Variants in MTSS1 observed in about 807,000 individuals in gnomAD.
MTSS1 encodes protein MTSS 1.
A neutral mutation model predicts 79.0 loss-of-function variants in MTSS1; 18 were observed. That is an observed-to-expected ratio of 0.23 (90% CI 0.16 to 0.34). The LOEUF (loss-of-function observed/expected upper bound fraction) is 0.34. Ranked by LOEUF, MTSS1 falls within the 10% of genes least tolerant of loss-of-function variation. The probability of loss-of-function intolerance (pLI) is 1.00; values close to 1 mark genes in which losing one functional copy is unlikely to be tolerated. For missense variants in MTSS1, 815 were observed against 986.2 expected (o/e 0.83, Z 2.33); for synonymous variants, 341 against 368.6 (o/e 0.93, Z 0.86).
chr8:124,629,769 T>C (rs190563387), intron 3 of MTSS1, among the ~76,000 whole-genome samples: 200 of 152,220 alleles, frequency 1.3e-3, no homozygotes, highest in Non-Finnish European at 2.0e-3. Context: ...GGGTTCTCTC[T>C]CCCAGACACC....
chr8:124,606,238 T>C (rs1477510250), intron 3 of MTSS1, among the ~76,000 whole-genome samples: 1 of 149,358 alleles, frequency 6.7e-6, no homozygotes, highest in Non-Finnish European at 1.5e-5. Context: ...AATGGCATGA[T>C]CTTGGCTCAC....
intron 3 of MTSS1, among the ~76,000 whole-genome samples, chr8:124,621,893 C>T (rs1813595288): frequency 6.6e-6 from 1 of 152,152 alleles, no homozygotes; most frequent in African/African-American, 2.4e-5. Context: ...CTTAGAGAGT[C>T]AGAAAGATTC....
intron 3 of MTSS1, among the ~76,000 whole-genome samples, chr8:124,642,709 C>T (rs756303948): frequency 6.6e-6 from 1 of 152,158 alleles, no homozygotes; most frequent in Admixed American, 6.5e-5. Context: ...TCTCAGGGCT[C>T]AGACTCTCAA....
intron 6 of MTSS1, chr8:124,580,348 G>A: frequency 1.8e-6 from 1 of 561,540 alleles, no homozygotes; most frequent in Non-Finnish European, 3.2e-6. Flanking sequence ...ATCGTAAATG[G>A]CTAAACATCC....
intron 5 of MTSS1, among the ~76,000 whole-genome samples, chr8:124,588,373 G>A (rs3910088): frequency 1.3e-5 from 2 of 151,840 alleles, no homozygotes; most frequent in East Asian, 1.9e-4. Context: ...CCCCCATAGC[G>A]CCTAGCATGT....
At chr8:124,610,799 G>C (rs1032079152) in intron 3 of MTSS1, among the ~76,000 whole-genome samples, 6 of 152,122 alleles carry the variant, frequency 3.9e-5, no homozygotes, top group African/African-American at 1.2e-4. Context: ...CCAAGCAGCA[G>C]GTTTAGGCTC....
chr8:124,576,164 G>A (rs1205855400), intron 6 of MTSS1, among the ~76,000 whole-genome samples: 2 of 152,216 alleles, frequency 1.3e-5, no homozygotes, highest in East Asian at 1.9e-4. Flanking sequence ...GTCCTTTAAT[G>A]TAGTAAACAA....
chr8:124,590,716 G>A (rs1831706552), intron 4 of MTSS1, among the ~76,000 whole-genome samples: 1 of 152,220 alleles, frequency 6.6e-6, no homozygotes, highest in Non-Finnish European at 1.5e-5. Flanking sequence ...GAAGCCAGAT[G>A]GGAAGCTGGC....
At chr8:124,579,011 TGCCTATGAACCA>T (rs1437692134) in intron 6 of MTSS1, among the ~76,000 whole-genome samples, 4 of 152,228 alleles carry the variant, frequency 2.6e-5, no homozygotes, top group African/African-American at 9.6e-5. Flanking sequence ...ACTGTGGCTT[TGCCTATGAACCA>T]GCCCCTACAA....
At chr8:124,714,339 A>G (rs1304092403) in intron 1 of MTSS1, among the ~76,000 whole-genome samples, 1 of 152,224 alleles carries the variant, frequency 6.6e-6, no homozygotes, top group East Asian at 1.9e-4. Flanking sequence ...AAAATCGGGC[A>G]CAGAAAGAGT....
intron 3 of MTSS1, among the ~76,000 whole-genome samples, chr8:124,641,283 A>G (rs1818003174): frequency 6.6e-6 from 1 of 152,222 alleles, no homozygotes. Flanking sequence ...CAATCCCCAT[A>G]TACCTGTGAG....
intron 3 of MTSS1, among the ~76,000 whole-genome samples, chr8:124,641,196 A>G (rs1817979018): frequency 6.6e-6 from 1 of 152,190 alleles, no homozygotes; most frequent in South Asian, 2.1e-4. Flanking sequence ...CAAATGGACC[A>G]GGGGAATGGA....
intron 5 of MTSS1, among the ~76,000 whole-genome samples, chr8:124,587,757 G>A (rs752684598): frequency 3.9e-5 from 6 of 151,952 alleles, no homozygotes; most frequent in East Asian, 1.9e-4. Context: ...CACCCGCCTC[G>A]GCCTCCCAAA....
chr8:124,713,805 G>A (rs1247819331), intron 1 of MTSS1, among the ~76,000 whole-genome samples: 1 of 151,214 alleles, frequency 6.6e-6, no homozygotes, highest in African/African-American at 2.4e-5. Flanking sequence ...CTGCAGCCTC[G>A]ACTTCCCAGG....
intron 3 of MTSS1, among the ~76,000 whole-genome samples, chr8:124,668,039 G>C (rs1823439276): frequency 6.6e-6 from 1 of 152,032 alleles, no homozygotes; most frequent in Non-Finnish European, 1.5e-5. Context: ...AGTGAGCCAT[G>C]ATCGCGCCAC....
intron 6 of MTSS1, among the ~76,000 whole-genome samples, chr8:124,571,542 G>A (rs1827772253): frequency 6.6e-6 from 1 of 152,148 alleles, no homozygotes; most frequent in Non-Finnish European, 1.5e-5. Flanking sequence ...GAGGGCTGCA[G>A]ACCACCTCAG....
At chr8:124,615,107 G>A (rs1334430980) in intron 3 of MTSS1, among the ~76,000 whole-genome samples, 3 of 152,168 alleles carry the variant, frequency 2.0e-5, no homozygotes, top group South Asian at 2.1e-4. Flanking sequence ...AGAACAGTGC[G>A]TGCCTGGAGG....
chr8:124,668,847 C>A (rs1823602326), intron 3 of MTSS1, among the ~76,000 whole-genome samples: 1 of 152,186 alleles, frequency 6.6e-6, no homozygotes, highest in Non-Finnish European at 1.5e-5. Flanking sequence ...TCCCTTTGTT[C>A]CCGTGAAGTG....
chr8:124,599,745 A>C (rs963222002), intron 3 of MTSS1, among the ~76,000 whole-genome samples: 1 of 152,080 alleles, frequency 6.6e-6, no homozygotes, highest in African/African-American at 2.4e-5. Context: ...TGGCAGCTGT[A>C]TTCCCATCTG....
Sources: gnomAD v4.1 joint callset for allele counts (sites outside exome capture counted in the v4.1 genomes callset) on GRCh38, gnomAD v4.1.1 for gene constraint, MANE v1.5 for transcripts, NCBI Gene and HGNC (gene_info 2026-07-23, HGNC 2026-07-21) for gene names.